SCN9A: variants seen among roughly 807,000 people sequenced by gnomAD.
SCN9A encodes the protein sodium channel protein type 9 subunit alpha.
Under a neutral mutation model 187.0 loss-of-function variants are expected in SCN9A, and 131 were observed. The ratio of observed to expected loss-of-function variants is 0.70; its 90% confidence interval spans 0.61 to 0.81. SCN9A has a LOEUF of 0.81. SCN9A is among the 30% of genes least tolerant of loss of function. The pLI is 0.00. For synonymous variants in SCN9A, 809 were observed against 808.6 expected, an observed-to-expected ratio of 1.00 and a Z score of -0.01; for missense variants, 2,252 against 2,396.6, an observed-to-expected ratio of 0.94 and a Z score of 1.26.
chr2:166,356,644 C>G (rs1700157304), intron 1 of SCN9A, among the ~76,000 whole-genome samples: 1 of 152,198 alleles, frequency 6.6e-6, no homozygotes, highest in African/African-American at 2.4e-5. Context: ...AGTACCAACC[C>G]CTTGTGTATC....
At chr2:166,249,148 G>A (rs567089318) in intron 18 of SCN9A, among the ~76,000 whole-genome samples, 16 of 152,094 alleles carry the variant, frequency 1.1e-4, no homozygotes, top group Admixed American at 9.2e-4. Flanking sequence ...TTACATCACG[G>A]AAGAAACGCC....
chr2:166,235,222 T>G (rs1695262123), intron 20 of SCN9A, among the ~76,000 whole-genome samples: 1 of 152,198 alleles, frequency 6.6e-6, no homozygotes, highest in African/African-American at 2.4e-5. Flanking sequence ...CTAATAGGTC[T>G]GTTCTCCAAG....
rs1553492802 is a variant in SCN9A at position 166,294,647 on chromosome 2, A to T, written c.917T>A (p.Leu306Ter). ...EEDFRKYFYY[L>*]EGSKDALLCG... is the part of the protein sequence containing the mutation. Reference sequence around the variant, plus strand: ...AAGGAGAGCATCTTTGGATCCTTCCAAGTAATAAAAATATTCTGTTGAAGA... The same window carrying T: ...AAGGAGAGCATCTTTGGATCCTTCCTAGTAATAAAAATATTCTGTTGAAGA... The change falls in exon 8 of 27, where the codon TTG becomes TAG. Residue 306 changes from leucine to a stop codon, truncating the protein, a stop_gained. Coordinates refer to ENST00000642356, the MANE Select transcript of SCN9A (RefSeq NM_001365536.1). LOFTEE classifies it high-confidence loss of function. 1 of 1,606,572 alleles carries T rather than the reference A, an allele frequency of 6.2e-7. No individual in the cohort carries two copies. The highest frequency in any genetic ancestry group is 8.5e-7 in the Non-Finnish European group (1 of 1,175,384).
Position 166,277,084 on chromosome 2 carries a change from A to C in SCN9A, c.2773T>G (p.Cys925Gly). The C allele has an allele frequency of 6.2e-7, 1 of 1,613,968 alleles. No individual in the cohort carries two copies. The highest frequency in any genetic ancestry group is 8.5e-7 in the Non-Finnish European group (1 of 1,179,962). The change falls in exon 16 of 27, where the codon TGT becomes GGT. Residue 925 changes from cysteine to glycine, a missense_variant. By Grantham distance (159) the Cys-to-Gly change is radical. Coordinates refer to ENST00000642356, the MANE Select transcript of SCN9A (RefSeq NM_001365536.1). ...HSFLIVFRVL[C>G]GEWIETMWDC... ...CACATGGTCTCTATCCACTCTCCAC[A>C]CAGCACGCGGAACACAATCAGGAAG...
In SCN9A at chr2:166,204,502, A is replaced by G. The variant is rs755550849; in HGVS notation, c.4399-38T>C. 7 of 1,305,930 alleles carry G rather than the reference A, an allele frequency of 5.4e-6. No individual in the cohort carries two copies. In the Admixed American group the frequency reaches 1.4e-4, roughly 26 times the overall value. The allele number at this position is 1,305,930 out of a possible 1,614,324, so 80.9% of individuals were successfully genotyped here. On this transcript the variant is annotated intron_variant, in intron 24 of 26. Transcript: ENST00000642356. ...ACAAAAAATAAATGTAGTTAAAACC[A>G]GAATCATTGTCTACATCTTTCTATA...
At chr2:166,287,272 G>T (rs777822831) in intron 10 of SCN9A, among the ~76,000 whole-genome samples, 3 of 151,690 alleles carry the variant, frequency 2.0e-5, no homozygotes, top group Non-Finnish European at 2.9e-5. Context: ...AGAAATAATT[G>T]GTGCTAATAT....
chr2:166,201,439 ATAGAGTATG>A (rs1693517398), intron 26 of SCN9A, among the ~76,000 whole-genome samples: 1 of 134,300 alleles, frequency 7.4e-6, no homozygotes, highest in African/African-American at 2.6e-5. Flanking sequence ...TATATATAGT[ATAGAGTATG>A]CGTATACTAT....
chr2:166,291,382 A>G (rs969805142), intron 9 of SCN9A, among the ~76,000 whole-genome samples: 1 of 152,068 alleles, frequency 6.6e-6, no homozygotes, highest in Admixed American at 6.6e-5. Context: ...GATATGAAAG[A>G]CCTCTTCAAG....
At chr2:166,305,557 C>T (rs776251366) in intron 5 of SCN9A, among the ~76,000 whole-genome samples, 1 of 151,978 alleles carries the variant, frequency 6.6e-6, no homozygotes, top group Admixed American at 6.6e-5. Flanking sequence ...AAGTGCTGAG[C>T]ATGGAGGAAG....
intron 24 of SCN9A, among the ~76,000 whole-genome samples, chr2:166,210,614 T>C (rs1234069180): frequency 6.7e-6 from 1 of 148,796 alleles, no homozygotes; most frequent in African/African-American, 2.5e-5. Flanking sequence ...TGGGACATCA[T>C]TAAGTGGAAC....
At chr2:166,321,176 T>C (rs1452006619) in intron 1 of SCN9A, among the ~76,000 whole-genome samples, 3 of 152,122 alleles carry the variant, frequency 2.0e-5, no homozygotes, top group African/African-American at 7.2e-5. Flanking sequence ...GAATGTAAAA[T>C]ACACAACTTT....
intron 1 of SCN9A, among the ~76,000 whole-genome samples, chr2:166,322,839 C>T (rs1414817712): frequency 6.6e-6 from 1 of 152,072 alleles, no homozygotes; most frequent in Non-Finnish European, 1.5e-5. Context: ...ACTGGATTCA[C>T]TACTTACTAG....
Position 166,328,284 on chromosome 2 carries a change from G to C in SCN9A, c.-50-16478C>G, listed in dbSNP as rs528207220. ...TTTAACTTTTATTTTAAGTTCAGGAGTACAAGTCCAGGTTTGTTACATAGG... is the reference window on the plus strand; with the variant it reads ...TTTAACTTTTATTTTAAGTTCAGGACTACAAGTCCAGGTTTGTTACATAGG... On this transcript the variant is annotated intron_variant, in intron 1 of 26. Transcript: ENST00000642356. 2.6e-3 allele frequency among the ~76,000 whole-genome samples: 397 copies of C among 151,996 alleles called. 1 individual carries two copies. Among genetic ancestry groups the C allele is most frequent in the South Asian group, 0.021 (100 of 4,818 alleles).
intron 26 of SCN9A, among the ~76,000 whole-genome samples, chr2:166,203,030 G>T (rs1004469293): frequency 4.6e-5 from 7 of 151,296 alleles, no homozygotes; most frequent in African/African-American, 1.7e-4. Context: ...TGACTTAATA[G>T]GAATGCTTTC....
chr2:166,213,379 G>A (rs902417439), intron 24 of SCN9A, among the ~76,000 whole-genome samples: 8 of 150,348 alleles, frequency 5.3e-5, no homozygotes, highest in African/African-American at 1.9e-4. Context: ...AACTTAGAAG[G>A]AATAGGTAAA....
intron 12 of SCN9A, 24 bp from the exon 13 acceptor site, chr2:166,281,832 C>T (rs1182144168): frequency 6.3e-7 from 1 of 1,592,720 alleles, no homozygotes; most frequent in Non-Finnish European, 8.5e-7. Flanking sequence ...CAATTAATGT[C>T]TTAAGAACAG....
chr2:166,315,304 G>A (rs189049999), intron 1 of SCN9A, among the ~76,000 whole-genome samples: 6 of 152,216 alleles, frequency 3.9e-5, no homozygotes, highest in African/African-American at 1.4e-4. Context: ...AGAAATCTAG[G>A]TACAAAGATG....
intron 23 of SCN9A, 117 bp from the exon 24 acceptor site, chr2:166,226,821 A>T: frequency 1.6e-6 from 1 of 622,740 alleles, no homozygotes. Context: ...AGGATTTAAG[A>T]AGCCATAGCA....
At chr2:166,357,529 C>A (rs951932763) in intron 1 of SCN9A, among the ~76,000 whole-genome samples, 7 of 151,996 alleles carry the variant, frequency 4.6e-5, no homozygotes, top group African/African-American at 1.7e-4. Flanking sequence ...TAAATGACAC[C>A]CCCACCAGTG....
Sources: gnomAD v4.1 joint callset for allele counts (sites outside exome capture counted in the v4.1 genomes callset) on GRCh38, gnomAD v4.1.1 for gene constraint, MANE v1.5 for transcripts, NCBI Gene and HGNC (gene_info 2026-07-23, HGNC 2026-07-21) for gene names.